SDHC: variants seen among roughly 807,000 people sequenced by gnomAD.
SDHC encodes succinate dehydrogenase complex subunit C.
In SDHC, 11 loss-of-function variants were observed where a neutral mutation model predicts 22.6. The ratio of observed to expected loss-of-function variants is 0.49; its 90% CI spans 0.31 to 0.81. The LOEUF is 0.81. SDHC is among the 30% of genes least tolerant of loss of function. SDHC has a pLI of 0.05. For missense variants in SDHC, 160 were observed against 212.0 expected (o/e 0.75, Z 1.52); for synonymous variants, 80 against 77.8 (o/e 1.03, Z -0.15).
intron 1 of SDHC, among the ~76,000 whole-genome samples, chr1:161,316,466 C>A (rs1670621643): frequency 6.6e-6 from 1 of 152,184 alleles, no homozygotes; most frequent in African/African-American, 2.4e-5. Flanking sequence ...GCCCTTAATC[C>A]ATTTAACCCT....
At chr1:161,320,828 A>ATTTTTTTTTTTTTT (rs71270444) in intron 1 of SDHC, among the ~76,000 whole-genome samples, 3 of 127,682 alleles carry the variant, frequency 2.3e-5, no homozygotes, top group Non-Finnish European at 3.2e-5. Flanking sequence ...TTCAGTCTTG[A>ATTTTTTTTTTTTTT]TTTTTTTTTT....
At chr1:161,334,321 C>T (rs531846938) in intron 3 of SDHC, among the ~76,000 whole-genome samples, 1 of 149,724 alleles carries the variant, frequency 6.7e-6, no homozygotes, top group East Asian at 1.9e-4. Context: ...TGAGCCTCTT[C>T]TGCTTTTCTT....
intron 5 of SDHC, among the ~76,000 whole-genome samples, chr1:161,358,608 G>A (rs1672375907): frequency 6.6e-6 from 1 of 151,214 alleles, no homozygotes; most frequent in Non-Finnish European, 1.5e-5. Flanking sequence ...CTGCACTTCA[G>A]CCTGGGTGAC....
At chr1:161,320,498 G>C (rs2102287864) in intron 1 of SDHC, among the ~76,000 whole-genome samples, 1 of 152,080 alleles carries the variant, frequency 6.6e-6, no homozygotes, top group East Asian at 1.9e-4. Flanking sequence ...GACTAAAAAT[G>C]GTATTCAGTT....
Position 161,362,313 on chromosome 1 carries a change from T to G in SDHC, c.406-16T>G, listed in dbSNP as rs2102384727. 5.6e-6 allele frequency: 9 copies of G among 1,609,970 alleles called. No homozygotes were observed. Among genetic ancestry groups the G allele is most frequent in the Non-Finnish European group, 7.6e-6 (9 of 1,178,228 alleles). On this transcript the variant is annotated splice_polypyrimidine_tract_variant and intron_variant, in intron 5 of 5. Coordinates refer to ENST00000367975, the MANE Select transcript of SDHC (RefSeq NM_003001.5). The stretch of plus-strand genomic sequence containing the variant: ...TTTACTGAAATTCCTTTTTTTTTTT[T>G]TTGCTTTGTCCACAGATGTGGGACC...
Position 161,356,802 on chromosome 1 carries a change from C to G in SDHC, c.367C>G (p.Pro123Ala), listed in dbSNP as rs773039986. The G allele has an allele frequency of 6.2e-7, 1 of 1,613,998 alleles. No homozygotes were observed. Among genetic ancestry groups the G allele is most frequent in the Admixed American group, 1.7e-5 (1 of 59,986 alleles). Reference protein sequence around the residue: ...IHTAKFALVFPLMYHTWNGIR... With the variant: ...IHTAKFALVFALMYHTWNGIR... ...CACAGCTAAGTTTGCACTTGTCTTC[C>G]CTCTCATGTATCATACCTGGAATGG... is the stretch of plus-strand genomic sequence containing the variant. The change falls in exon 5 of 6, where the codon CCT becomes GCT. Residue 123 changes from proline to alanine, a missense_variant. By Grantham distance (27) the Pro-to-Ala change is conservative. Coordinates refer to ENST00000367975, the MANE Select transcript of SDHC (RefSeq NM_003001.5).
intron 1 of SDHC, chr1:161,314,639 T>C (rs1670535952): frequency 1.6e-6 from 1 of 606,564 alleles, no homozygotes. Flanking sequence ...ACTGACTTCG[T>C]ATCGAGGGGC....
chr1:161,346,704 G>A (rs762408164), intron 4 of SDHC, among the ~76,000 whole-genome samples: 18 of 151,896 alleles, frequency 1.2e-4, no homozygotes, highest in Non-Finnish European at 2.4e-4. Flanking sequence ...GGCCATGATA[G>A]CTTTTTAATA....
At chr1:161,333,915 A>G (rs1199012452) in intron 3 of SDHC, among the ~76,000 whole-genome samples, 1 of 152,210 alleles carries the variant, frequency 6.6e-6, no homozygotes, top group Non-Finnish European at 1.5e-5. Context: ...CCAATTTCAA[A>G]GGCACTTCCA....
At chr1:161,339,095 G>T (rs565495849) in intron 3 of SDHC, among the ~76,000 whole-genome samples, 5 of 152,110 alleles carry the variant, frequency 3.3e-5, no homozygotes, top group African/African-American at 1.2e-4. Flanking sequence ...TGATCCACCC[G>T]CCTCAGCCTC....
intron 4 of SDHC, among the ~76,000 whole-genome samples, chr1:161,354,663 TTGTGTGTGTGTGTGTGTGTGTG>T (rs60151629): frequency 2.6e-5 from 3 of 116,628 alleles, no homozygotes; most frequent in Admixed American, 9.7e-5. Flanking sequence ...TCTTATTTCT[TTGTGTGTGTGTGTGTGTGTGTG>T]TGTGTGTGTG....
At chr1:161,343,952 C>T (rs1671806062) in intron 4 of SDHC, among the ~76,000 whole-genome samples, 1 of 152,058 alleles carries the variant, frequency 6.6e-6, no homozygotes, top group African/African-American at 2.4e-5. Context: ...TGATTCACAC[C>T]TGTAATCCCA....
At chr1:161,358,329 C>T (rs559533668) in intron 5 of SDHC, among the ~76,000 whole-genome samples, 24 of 149,808 alleles carry the variant, frequency 1.6e-4, no homozygotes, top group African/African-American at 4.7e-4. Flanking sequence ...GATGGGGTTT[C>T]ACCATGTTGG....
At chr1:161,322,842 G>A (rs1430731700) in intron 1 of SDHC, among the ~76,000 whole-genome samples, 3 of 151,968 alleles carry the variant, frequency 2.0e-5, no homozygotes, top group Admixed American at 6.6e-5. Flanking sequence ...GATTACAGGC[G>A]TGAGCCACTG....
At chr1:161,328,059 G>T (rs1016957929) in intron 2 of SDHC, among the ~76,000 whole-genome samples, 1 of 147,992 alleles carries the variant, frequency 6.8e-6, no homozygotes, top group African/African-American at 2.5e-5. Context: ...GCTTGAGTGC[G>T]ATGGCGCAAT....
At chr1:161,351,742 G>A (rs1672105459) in intron 4 of SDHC, among the ~76,000 whole-genome samples, 2 of 152,116 alleles carry the variant, frequency 1.3e-5, no homozygotes, top group South Asian at 4.1e-4. Context: ...GAAGCAGATG[G>A]GCAGAATACA....
chr1:161,353,053 A>G (rs530333137), intron 4 of SDHC, among the ~76,000 whole-genome samples: 17 of 152,320 alleles, frequency 1.1e-4, no homozygotes, highest in African/African-American at 4.1e-4. Flanking sequence ...CATTTGACTT[A>G]TTTAGAGGCA....
At chr1:161,336,342 C>T (rs1479557507) in intron 3 of SDHC, among the ~76,000 whole-genome samples, 2 of 151,916 alleles carry the variant, frequency 1.3e-5, no homozygotes, top group East Asian at 3.9e-4. Flanking sequence ...GTAGTCCCAG[C>T]TACTCAGGAG....
chr1:161,357,071 T>C (rs1321138717), intron 5 of SDHC, among the ~76,000 whole-genome samples: 1 of 151,472 alleles, frequency 6.6e-6, no homozygotes, highest in Non-Finnish European at 1.5e-5. Context: ...GTTGGCGTTA[T>C]AGACGCATGC....
Sources: allele counts gnomAD v4.1 joint callset (sites outside exome capture counted in the v4.1 genomes callset), GRCh38; gene constraint gnomAD v4.1.1; transcripts MANE v1.5; gene names NCBI Gene and HGNC (gene_info 2026-07-23, HGNC 2026-07-21).